COL22A1: variants seen among roughly 807,000 people sequenced by gnomAD.
The protein encoded by COL22A1 is collagen alpha-1(XXII) chain.
COL22A1 carries 221 observed loss-of-function variants against 248.9 expected under a neutral mutation model. The ratio of observed to expected loss-of-function variants is 0.89; its 90% CI spans 0.80 to 0.99. The LOEUF is 0.99. Ranked by LOEUF, COL22A1 falls within the 50% of genes least tolerant of loss-of-function variation. COL22A1 has a pLI of 0.00. For missense variants in COL22A1, 2,240 were observed against 2,179.0 expected (o/e 1.03, Z -0.56); for synonymous variants, 891 against 793.4 (o/e 1.12, Z -2.07).
chr8:138,609,798 C>T (rs1170549334), intron 56 of COL22A1, among the ~76,000 whole-genome samples: 1 of 152,136 alleles, frequency 6.6e-6, no homozygotes, highest in Non-Finnish European at 1.5e-5. Flanking sequence ...GCACAGAAGG[C>T]AGGGTGGTTC....
At chr8:138,718,632 T>A (rs1383067498) in intron 27 of COL22A1, among the ~76,000 whole-genome samples, 3 of 152,242 alleles carry the variant, frequency 2.0e-5, no homozygotes, top group Non-Finnish European at 2.9e-5. Flanking sequence ...ATAATTTTTA[T>A]CTTCAGTTGA....
At chr8:138,843,338 T>C (rs117605032) in intron 4 of COL22A1, among the ~76,000 whole-genome samples, 1,560 of 152,148 alleles carry the variant, frequency 0.01, 17 homozygotes, top group Admixed American at 0.015. Context: ...TGGGGACACA[T>C]AAGTGCTTAG....
intron 18 of COL22A1, among the ~76,000 whole-genome samples, chr8:138,757,863 C>T (rs996916289): frequency 1.3e-4 from 20 of 152,256 alleles, no homozygotes; most frequent in Admixed American, 8.5e-4. Context: ...TCAGTTGTGG[C>T]CACTGTGGTG....
chr8:138,694,619 C>T lies in COL22A1; in HGVS notation c.2647-58G>A, dbSNP rs572239216. On this transcript the variant is annotated intron_variant, in intron 33 of 64. Coordinates refer to ENST00000303045, the MANE Select transcript of COL22A1 (RefSeq NM_152888.3). ...ATCCTCCTGGTTCTGAGCAGATGGG[C>T]GGATGGGGCGGGGACGTTGCAATGG... 5.6e-5 allele frequency: 88 copies of T among 1,567,412 alleles called. No homozygotes were observed. The South Asian group carries it at 8.4e-4, about 15-fold the overall frequency.
chr8:138,836,603 T>C (rs1399899314), intron 4 of COL22A1, among the ~76,000 whole-genome samples: 2 of 152,132 alleles, frequency 1.3e-5, no homozygotes, highest in African/African-American at 4.8e-5. Flanking sequence ...GACAGGTGGG[T>C]GGGTCTCCCT....
At chr8:138,746,338 G>A (rs906833846) in intron 22 of COL22A1, among the ~76,000 whole-genome samples, 1 of 152,176 alleles carries the variant, frequency 6.6e-6, no homozygotes, top group East Asian at 1.9e-4. Flanking sequence ...TGTTTCAATT[G>A]AAGTTGATGA....
intron 52 of COL22A1, 78 bp downstream of exon 52, chr8:138,623,654 G>T: frequency 7.9e-7 from 1 of 1,268,652 alleles, no homozygotes; most frequent in Non-Finnish European, 1.1e-6. Context: ...GTTCAAAATA[G>T]CTCCTCACAC....
rs1311810092 is a variant in COL22A1, at chr8:138,833,150, C to T, written c.734G>A (p.Gly245Asp). Residue 245 changes from glycine to aspartate, a missense_variant and splice_region_variant, in exon 5 of 65, where the codon GGT becomes GAT. Gly to Asp is a moderately conservative substitution (Grantham distance 94, BLOSUM62 -1). Transcript: ENST00000303045. ...ACTGAACAAATCCATCAGGTCAAAA[C>T]CTGTACAAAGAGAAGAGCTGGGAGT... The part of the protein sequence containing the change: ...HTNGGTKEIT[G>D]FDLMDLFSVK... The T allele has an allele frequency of 1.2e-6, 2 of 1,603,750 alleles. No homozygotes were observed. Among genetic ancestry groups the T allele is most frequent in the Admixed American group, 3.3e-5 (2 of 60,002 alleles).
At chr8:138,664,216 C>A in intron 41 of COL22A1, among the ~76,000 whole-genome samples, 1 of 82,116 alleles carries the variant, frequency 1.2e-5, no homozygotes. Flanking sequence ...CGCGCACACA[C>A]ACACACACAC....
At position 138,893,807 on chromosome 8, in the gene COL22A1, C is replaced by T. The variant is rs572415169; in HGVS notation, c.-72-10563G>A. On this transcript the variant is annotated intron_variant, in intron 1 of 64. Transcript: ENST00000303045. Reference sequence around the variant, plus strand: ...ACACTTTGTCCAAGGAGCTTGCAGCCTAATGGACAGACAAGGAAATAAATG... The same window carrying T: ...ACACTTTGTCCAAGGAGCTTGCAGCTTAATGGACAGACAAGGAAATAAATG... Among the ~76,000 whole-genome samples the T allele has an allele frequency of 1.1e-4, 16 of 152,274 alleles. No individual in the cohort carries two copies. The South Asian group carries it at 3.3e-3, about 32-fold the overall frequency.
intron 10 of COL22A1, among the ~76,000 whole-genome samples, chr8:138,805,999 T>TGTGATGGTGTGTGTAATGGTGTGTGATG (rs1563787803): frequency 7.8e-5 from 4 of 50,994 alleles, no homozygotes; most frequent in Non-Finnish European, 8.3e-5. Flanking sequence ...TGATGGTGTG[T>TGTGATGGTGTGTGTAATGGTGTGTGATG]GTGTGTGACG....
chr8:138,747,397 G>T (rs1832207605), intron 22 of COL22A1, among the ~76,000 whole-genome samples: 1 of 152,040 alleles, frequency 6.6e-6, no homozygotes, highest in Non-Finnish European at 1.5e-5. Context: ...AGCTCCATTG[G>T]TTACTCACAG....
chr8:138,622,535 G>A (rs1819890903), intron 52 of COL22A1, among the ~76,000 whole-genome samples: 2 of 152,114 alleles, frequency 1.3e-5, no homozygotes, highest in South Asian at 4.1e-4. Flanking sequence ...GATGATAACA[G>A]TAAAATAAAA....
intron 6 of COL22A1, among the ~76,000 whole-genome samples, chr8:138,823,786 C>T (rs1198777888): frequency 1.3e-5 from 2 of 152,142 alleles, no homozygotes; most frequent in African/African-American, 2.4e-5. Context: ...TTTTGTCTTT[C>T]CCATCCATGC....
chr8:138,716,315 C>A, intron 28 of COL22A1, 26 bp from the exon 29 acceptor site: 1 of 1,547,268 alleles, frequency 6.5e-7, no homozygotes, highest in South Asian at 1.2e-5. Flanking sequence ...ATTCACAAGG[C>A]GTCAACAGGA....
chr8:138,785,083 G>A (rs779871335), intron 12 of COL22A1, among the ~76,000 whole-genome samples: 1 of 152,172 alleles, frequency 6.6e-6, no homozygotes, highest in Non-Finnish European at 1.5e-5. Flanking sequence ...ACATGGCAGA[G>A]TGAGGCAGGT....
rs1018783950 is a variant in COL22A1 at position 138,850,098 on chromosome 8, A to C, written c.659-5940T>G. ...TGGTGTGCACCCTGTGAGAAGATGA[A>C]GACAACTCAGGGTTCAGACATTGGG... On this transcript the variant is annotated intron_variant, in intron 3 of 64. Transcript: ENST00000303045. Among the ~76,000 whole-genome samples the C allele has an allele frequency of 1.2e-4, 19 of 152,174 alleles. 1 individual carries two copies. Among genetic ancestry groups the C allele is most frequent in the Non-Finnish European group, 2.2e-4 (15 of 68,026 alleles).
At chr8:138,864,765 C>A (rs757760267) in intron 3 of COL22A1, among the ~76,000 whole-genome samples, 3 of 152,172 alleles carry the variant, frequency 2.0e-5, no homozygotes, top group Non-Finnish European at 2.9e-5. Flanking sequence ...ACATTCCAAC[C>A]TCATCTCAGC....
intron 3 of COL22A1, among the ~76,000 whole-genome samples, chr8:138,858,686 G>A (rs1282998418): frequency 1.3e-5 from 2 of 152,158 alleles, no homozygotes; most frequent in Non-Finnish European, 2.9e-5. Flanking sequence ...GGTCTTTATC[G>A]CTCAGTGCTC....
Sources: allele counts gnomAD v4.1 joint callset (sites outside exome capture counted in the v4.1 genomes callset), GRCh38; gene constraint gnomAD v4.1.1; transcripts MANE v1.5; gene names NCBI Gene and HGNC (gene_info 2026-07-23, HGNC 2026-07-21).